The following ST6GALNAC3 variants were observed in gnomAD, a reference collection of about 807,000 sequenced individuals.
ST6GALNAC3 encodes alpha-N-acetylgalactosaminide alpha-2,6-sialyltransferase 3.
Under a neutral mutation model 32.7 loss-of-function variants are expected in ST6GALNAC3, and 25 were observed. The observed-to-expected ratio is 0.76, with a 90% CI of 0.56 to 1.07. The LOEUF is 1.07. Ranked by LOEUF, ST6GALNAC3 falls within the 50% of genes least tolerant of loss-of-function variation. The probability of loss-of-function intolerance (pLI) is 0.00; values close to 1 mark genes in which losing one functional copy is unlikely to be tolerated. For synonymous variants in ST6GALNAC3, 129 were observed against 133.1 expected, an observed-to-expected ratio of 0.97 and a Z score of 0.21; for missense variants, 355 against 382.4, an observed-to-expected ratio of 0.93 and a Z score of 0.60.
chr1:76,430,444 G>A (rs1472516406), intron 3 of ST6GALNAC3, among the ~76,000 whole-genome samples: 1 of 152,114 alleles, frequency 6.6e-6, no homozygotes, highest in African/African-American at 2.4e-5. Context: ...CCAACCACAT[G>A]GGTCTGCTCG....
chr1:76,443,301 G>A (rs1656744971), intron 3 of ST6GALNAC3, among the ~76,000 whole-genome samples: 1 of 152,136 alleles, frequency 6.6e-6, no homozygotes, highest in African/African-American at 2.4e-5. Flanking sequence ...CTATAGGCAT[G>A]AGCCACTGTG....
chr1:76,258,302 T>A (rs1658031857), intron 1 of ST6GALNAC3, among the ~76,000 whole-genome samples: 1 of 152,174 alleles, frequency 6.6e-6, no homozygotes, highest in Non-Finnish European at 1.5e-5. Flanking sequence ...TCTCTAGTTA[T>A]GACATAATTC....
At chr1:76,221,191 A>G (rs1418923822) in intron 1 of ST6GALNAC3, among the ~76,000 whole-genome samples, 3 of 152,184 alleles carry the variant, frequency 2.0e-5, no homozygotes, top group Admixed American at 6.5e-5. Context: ...AGAACCCTCA[A>G]TGTAAAAAAC....
intron 3 of ST6GALNAC3, among the ~76,000 whole-genome samples, chr1:76,457,496 C>T (rs1411537375): frequency 1.3e-5 from 2 of 150,618 alleles, no homozygotes; most frequent in Admixed American, 6.6e-5. Context: ...AACTATACTA[C>T]AAGTAACCAA....
intron 1 of ST6GALNAC3, among the ~76,000 whole-genome samples, chr1:76,217,351 A>G (rs979657618): frequency 3.3e-5 from 5 of 152,184 alleles, no homozygotes; most frequent in Non-Finnish European, 7.4e-5. Context: ...CAAGTTTTGT[A>G]TTTCTAACAT....
At chr1:76,627,303 G>C in intron 3 of ST6GALNAC3, 149 bp from the exon 4 acceptor site, 1 of 599,628 alleles carries the variant, frequency 1.7e-6, no homozygotes, top group Non-Finnish European at 3.0e-6. Context: ...GTGCATCTTT[G>C]ACATATTGTC....
At chr1:76,566,067 A>G (rs1665536806) in intron 3 of ST6GALNAC3, among the ~76,000 whole-genome samples, 1 of 152,212 alleles carries the variant, frequency 6.6e-6, no homozygotes, top group Non-Finnish European at 1.5e-5. Flanking sequence ...TTTTAAAGAA[A>G]AGAGGACATC....
intron 3 of ST6GALNAC3, among the ~76,000 whole-genome samples, chr1:76,492,910 T>A (rs1181891348): frequency 6.6e-6 from 1 of 152,166 alleles, no homozygotes; most frequent in African/African-American, 2.4e-5. Flanking sequence ...AAAGAGGTCA[T>A]CTTCTGGTGC....
intron 2 of ST6GALNAC3, among the ~76,000 whole-genome samples, chr1:76,376,712 A>G (rs1651265998): frequency 6.6e-6 from 1 of 152,176 alleles, no homozygotes; most frequent in African/African-American, 2.4e-5. Context: ...TAATTAGTGT[A>G]TTTAGACCAT....
Position 76,324,020 on chromosome 1 carries a change from C to T in ST6GALNAC3, c.213+10021C>T, listed in dbSNP as rs7519817. Among the ~76,000 whole-genome samples, 179 of 152,102 alleles carry T rather than the reference C, an allele frequency of 1.2e-3. 3 individuals are homozygous for T. The South Asian group carries it at 0.026, about 22-fold the overall frequency. ...GACAACAGGTGTGCACCACCATGCC[C>T]GGCTTAATTTTTGTGTTTTAGTAAA... On this transcript the variant is annotated intron_variant, in intron 2 of 4. Transcript: ENST00000328299.
At chr1:76,368,362 T>G (rs1033645806) in intron 2 of ST6GALNAC3, among the ~76,000 whole-genome samples, 2 of 152,096 alleles carry the variant, frequency 1.3e-5, no homozygotes, top group East Asian at 1.9e-4. Flanking sequence ...CATATGCTGT[T>G]TCTGTTTCAT....
At chr1:76,277,520 GTTTA>G in intron 1 of ST6GALNAC3, among the ~76,000 whole-genome samples, 1 of 95,460 alleles carries the variant, frequency 1.0e-5, no homozygotes, top group Non-Finnish European at 1.9e-5. Context: ...ATATGTATAT[GTTTA>G]TGTGTATATA....
chr1:76,277,592 A>G (rs1484411151), intron 1 of ST6GALNAC3, among the ~76,000 whole-genome samples: 1 of 47,756 alleles, frequency 2.1e-5, no homozygotes, highest in Non-Finnish European at 3.4e-5. Context: ...GTTTATGTGT[A>G]TATATATATA....
chr1:76,442,510 C>A (rs1223584126), intron 3 of ST6GALNAC3, among the ~76,000 whole-genome samples: 1 of 152,176 alleles, frequency 6.6e-6, no homozygotes, highest in Non-Finnish European at 1.5e-5. Context: ...ATCCTAGTGG[C>A]AATGTATTTG....
chr1:76,197,485 G>C lies in ST6GALNAC3; in HGVS notation c.19-116320G>C, dbSNP rs1001225076. Among the ~76,000 whole-genome samples the C allele has an allele frequency of 2.0e-5, 3 of 151,606 alleles. No individual in the cohort carries two copies. The East Asian group carries it at 5.8e-4, about 29-fold the overall frequency. On this transcript the variant is annotated intron_variant, in intron 1 of 4. Transcript: ENST00000328299. ...GCTGAAGGGGGGATCTAATCCATGG[G>C]GGGCAGGGAAGGCTTTCTAGGGTAA...
At chr1:76,246,395 C>T (rs1337894810) in intron 1 of ST6GALNAC3, among the ~76,000 whole-genome samples, 1 of 152,108 alleles carries the variant, frequency 6.6e-6, no homozygotes, top group Admixed American at 6.6e-5. Flanking sequence ...AACTGGGGCA[C>T]TTGGCTCATT....
chr1:76,310,129 TG>T (rs1646731744), intron 1 of ST6GALNAC3: 1 of 362,764 alleles, frequency 2.8e-6, no homozygotes, highest in African/African-American at 2.2e-5. Flanking sequence ...AAATCCCATC[TG>T]GGTCTCCTTC....
At chr1:76,438,864 A>G (rs1319402535) in intron 3 of ST6GALNAC3, among the ~76,000 whole-genome samples, 1 of 152,164 alleles carries the variant, frequency 6.6e-6, no homozygotes, top group Non-Finnish European at 1.5e-5. Context: ...GATAGTTATT[A>G]AAACAAATGG....
intron 1 of ST6GALNAC3, among the ~76,000 whole-genome samples, chr1:76,276,286 C>T (rs1659131072): frequency 6.6e-6 from 1 of 151,922 alleles, no homozygotes; most frequent in South Asian, 2.1e-4. Context: ...TCCTATATCC[C>T]CTGACAGGGG....
Sources: allele counts gnomAD v4.1 joint callset (sites outside exome capture counted in the v4.1 genomes callset), GRCh38; gene constraint gnomAD v4.1.1; transcripts MANE v1.5; gene names NCBI Gene and HGNC (gene_info 2026-07-23, HGNC 2026-07-21).